FBXL20: variants seen among roughly 807,000 people sequenced by gnomAD.
FBXL20 encodes the protein F-box/LRR-repeat protein 20.
A neutral mutation model predicts 64.0 loss-of-function variants in FBXL20; 11 were observed. The observed-to-expected ratio is 0.17, with a 90% confidence interval of 0.11 to 0.28. The LOEUF is 0.28. Among genes scored for constraint, FBXL20 ranks in the 10% least tolerant of loss-of-function variants. FBXL20 has a pLI of 1.00. For synonymous variants in FBXL20, 184 were observed against 189.0 expected, an observed-to-expected ratio of 0.97 and a Z score of 0.22; for missense variants, 303 against 526.2, an observed-to-expected ratio of 0.58 and a Z score of 4.15.
intron 1 of FBXL20, among the ~76,000 whole-genome samples, chr17:39,364,348 C>A (rs2047836740): frequency 6.6e-6 from 1 of 152,152 alleles, no homozygotes; most frequent in South Asian, 2.1e-4. Flanking sequence ...TGCAGTGGCT[C>A]ACGCCTGTAA....
At chr17:39,317,275 A>G (rs1197776380) in intron 2 of FBXL20, among the ~76,000 whole-genome samples, 1 of 151,930 alleles carries the variant, frequency 6.6e-6, no homozygotes, top group Non-Finnish European at 1.5e-5. Flanking sequence ...TCCATCACCC[A>G]GGGTGGAGTG....
At chr17:39,293,732 T>C (rs775460557) in intron 6 of FBXL20, among the ~76,000 whole-genome samples, 1 of 152,098 alleles carries the variant, frequency 6.6e-6, no homozygotes, top group Non-Finnish European at 1.5e-5. Flanking sequence ...AATTGTTTTT[T>C]TCCTCACTAG....
intron 10 of FBXL20, among the ~76,000 whole-genome samples, chr17:39,274,105 G>A (rs138163683): frequency 0.013 from 1,966 of 152,214 alleles, 21 homozygotes; most frequent in Middle Eastern, 0.024. Context: ...AAACTCCTGG[G>A]CTCAAGCGAT....
At position 39,401,459 on chromosome 17, in the gene FBXL20, G is replaced by A; in HGVS notation, c.-57C>T. The A allele has an allele frequency of 6.4e-7, 1 of 1,550,866 alleles. No individual in the cohort carries two copies. Among genetic ancestry groups the A allele is most frequent in the Non-Finnish European group, 8.7e-7 (1 of 1,149,124 alleles). ...TGCGGCGAGCGGAGTGCACAGACCG[G>A]GGGCCCAGGACAGGCCCGGGAGTTC... On this transcript the variant is annotated 5_prime_UTR_variant, in exon 1 of 15. Coordinates refer to ENST00000264658, the MANE Select transcript of FBXL20 (RefSeq NM_032875.3).
rs142224083 is a variant in FBXL20 at position 39,322,326 on chromosome 17, CAATTA to C, written c.105-18692_105-18688del. 9.2e-3 allele frequency among the ~76,000 whole-genome samples: 1,395 copies of C among 152,154 alleles called. 17 individuals carry two copies. Among genetic ancestry groups the C allele is most frequent in the African/African-American group, 0.032 (1,318 of 41,530 alleles). On this transcript the variant is annotated intron_variant, in intron 2 of 14. Coordinates refer to ENST00000264658, the MANE Select transcript of FBXL20 (RefSeq NM_032875.3). The stretch of plus-strand genomic sequence containing the variant: ...AATTATATGGAAGTGAGCTGTTTTA[CAATTA>C]AATAAATTCTTTAGGTAATGACATA...
intron 1 of FBXL20, among the ~76,000 whole-genome samples, chr17:39,359,063 G>A (rs1266655884): frequency 1.3e-5 from 2 of 152,240 alleles, no homozygotes; most frequent in Non-Finnish European, 2.9e-5. Flanking sequence ...GCAAGGCGCA[G>A]TGGCTCACGC....
At chr17:39,360,469 T>C (rs8076494) in intron 1 of FBXL20, among the ~76,000 whole-genome samples, 48,257 of 152,084 alleles carry the variant, frequency 0.32, 8,549 homozygotes, top group African/African-American at 0.48. Flanking sequence ...ATATTTGATG[T>C]GGTTCTGTGA....
intron 9 of FBXL20, among the ~76,000 whole-genome samples, chr17:39,278,467 T>C (rs1008321767): frequency 2.0e-5 from 3 of 151,468 alleles, no homozygotes; most frequent in Non-Finnish European, 2.9e-5. Context: ...TCTCCAGGAA[T>C]AGTTTTTCTT....
intron 1 of FBXL20, among the ~76,000 whole-genome samples, chr17:39,396,966 A>G (rs35322295): frequency 0.31 from 41,025 of 130,456 alleles, 6,463 homozygotes; most frequent in South Asian, 0.38. Flanking sequence ...CAAAAAAAAA[A>G]AAAAAAAAAA....
At chr17:39,358,619 T>C (rs368810726) in intron 1 of FBXL20, among the ~76,000 whole-genome samples, 9 of 151,510 alleles carry the variant, frequency 5.9e-5, no homozygotes, top group East Asian at 3.9e-4. Flanking sequence ...GAAGTGGGGG[T>C]TGCAGTGAGC....
At chr17:39,355,564 A>T (rs893375062) in intron 1 of FBXL20, among the ~76,000 whole-genome samples, 1 of 152,034 alleles carries the variant, frequency 6.6e-6, no homozygotes, top group African/African-American at 2.4e-5. Context: ...GTCTTATACA[A>T]GAACTCCTGG....
intron 10 of FBXL20, among the ~76,000 whole-genome samples, chr17:39,274,551 G>C (rs773918053): frequency 3.2e-4 from 49 of 152,264 alleles, no homozygotes; most frequent in South Asian, 4.1e-4. Context: ...CAGTACAAAA[G>C]AGGTATTCCT....
chr17:39,322,971 A>AT (rs773294739), intron 2 of FBXL20, among the ~76,000 whole-genome samples: 277 of 87,608 alleles, frequency 3.2e-3, no homozygotes, highest in Middle Eastern at 8.8e-3. Flanking sequence ...CGCCCAGCTA[A>AT]TTTTTTTTTT....
At chr17:39,302,522 C>G (rs1489972263) in intron 3 of FBXL20, among the ~76,000 whole-genome samples, 1 of 152,054 alleles carries the variant, frequency 6.6e-6, no homozygotes, top group Non-Finnish European at 1.5e-5. Flanking sequence ...TACAGGCATC[C>G]GCCTCCATGC....
intron 2 of FBXL20, among the ~76,000 whole-genome samples, chr17:39,307,702 G>A (rs1396419328): frequency 1.3e-5 from 2 of 152,148 alleles, no homozygotes; most frequent in Non-Finnish European, 2.9e-5. Context: ...GGGCGCAGTG[G>A]CTCACACCTG....
At chr17:39,293,123 A>T (rs2047055495) in intron 6 of FBXL20, among the ~76,000 whole-genome samples, 1 of 151,988 alleles carries the variant, frequency 6.6e-6, no homozygotes, top group Non-Finnish European at 1.5e-5. Context: ...ATTGAGTGAC[A>T]GATATTCTGT....
chr17:39,392,456 G>GAAAAGAAAACAA (rs2048143903), intron 1 of FBXL20, among the ~76,000 whole-genome samples: 1 of 134,828 alleles, frequency 7.4e-6, no homozygotes. Context: ...AAAAAAAAAA[G>GAAAAGAAAACAA]AAAAGAAAAC....
intron 1 of FBXL20, among the ~76,000 whole-genome samples, chr17:39,393,052 G>T (rs1038074615): frequency 1.8e-4 from 28 of 152,096 alleles, no homozygotes; most frequent in African/African-American, 6.0e-4. Context: ...ACTTTGGGAA[G>T]CCAAGGCGGG....
At chr17:39,302,529 A>C (rs768534139) in intron 3 of FBXL20, among the ~76,000 whole-genome samples, 6 of 152,044 alleles carry the variant, frequency 3.9e-5, no homozygotes, top group Non-Finnish European at 8.8e-5. Context: ...ATCCGCCTCC[A>C]TGCCTGGCTA....
Sources: gnomAD v4.1 joint callset for allele counts (sites outside exome capture counted in the v4.1 genomes callset) on GRCh38, gnomAD v4.1.1 for gene constraint, MANE v1.5 for transcripts, NCBI Gene and HGNC (gene_info 2026-07-23, HGNC 2026-07-21) for gene names.